OBI1: variants seen among roughly 807,000 people sequenced by gnomAD.
The protein encoded by OBI1 is ring finger protein 219.
OBI1 carries 59 observed loss-of-function variants against 62.4 expected under a neutral mutation model. The ratio of observed to expected loss-of-function variants is 0.95; its 90% CI spans 0.77 to 1.17. The LOEUF (loss-of-function observed/expected upper bound fraction) is 1.17. Among genes scored for constraint, OBI1 ranks in the 50% most tolerant of loss-of-function variants. The probability of loss-of-function intolerance (pLI) is 0.00; values close to 1 mark genes in which losing one functional copy is unlikely to be tolerated. For synonymous variants in OBI1, 302 were observed against 292.8 expected, an observed-to-expected ratio of 1.03 and a Z score of -0.32; for missense variants, 875 against 830.9, an observed-to-expected ratio of 1.05 and a Z score of -0.65.
In OBI1 at chr13:78,615,491, G is replaced by A; in HGVS notation, c.*89C>T. ...GACTAAAGATTATCAATTCCAATTT[G>A]TATAGAACTTTTATGAGGAAAAAAG... On this transcript the variant is annotated 3_prime_UTR_variant, in exon 6 of 6. Transcript: ENST00000282003. 1 of 933,592 alleles carries A rather than the reference G, an allele frequency of 1.1e-6. No individual in the cohort carries two copies. The highest frequency in any genetic ancestry group is 1.6e-6 in the Non-Finnish European group (1 of 614,412). 57.8% of individuals were successfully genotyped at this position (933,592 alleles called of 1,614,324 possible).
At chr13:78,629,590 G>T (rs1235534401) in intron 5 of OBI1, among the ~76,000 whole-genome samples, 1 of 152,076 alleles carries the variant, frequency 6.6e-6, no homozygotes, top group Non-Finnish European at 1.5e-5. Context: ...AGTCACTAAG[G>T]AACTTCTAAC....
At chr13:78,646,448 A>T (rs1876385189) in intron 1 of OBI1, among the ~76,000 whole-genome samples, 1 of 152,196 alleles carries the variant, frequency 6.6e-6, no homozygotes, top group African/African-American at 2.4e-5. Flanking sequence ...TATTTTTTGA[A>T]ATAGCACAAA....
intron 1 of OBI1, among the ~76,000 whole-genome samples, chr13:78,657,510 A>G (rs1335676194): frequency 1.3e-5 from 2 of 152,226 alleles, no homozygotes; most frequent in African/African-American, 4.8e-5. Flanking sequence ...ATCTTAAAGC[A>G]TTGGTGTGAA....
intron 2 of OBI1, 130 bp from the exon 3 acceptor site, chr13:78,642,343 G>T (rs1876244547): frequency 5.2e-6 from 3 of 576,438 alleles, no homozygotes; most frequent in Non-Finnish European, 9.2e-6. Context: ...ACACACTTGG[G>T]GCTTACATCT....
At chr13:78,634,277 A>G (rs1875954890) in intron 5 of OBI1, among the ~76,000 whole-genome samples, 1 of 151,800 alleles carries the variant, frequency 6.6e-6, no homozygotes, top group South Asian at 2.1e-4. Flanking sequence ...GGGCTGGGCT[A>G]TTTAAGGTCA....
Position 78,615,491 on chromosome 13 carries a change from G to C in OBI1, c.*89C>G. On this transcript the variant is annotated 3_prime_UTR_variant, in exon 6 of 6. Coordinates refer to ENST00000282003, the MANE Select transcript of OBI1 (RefSeq NM_024546.4). ...GACTAAAGATTATCAATTCCAATTT[G>C]TATAGAACTTTTATGAGGAAAAAAG... 1.1e-6 allele frequency: 1 copy of C among 933,592 alleles called. No individual in the cohort carries two copies. Among genetic ancestry groups the C allele is most frequent in the Non-Finnish European group, 1.6e-6 (1 of 614,412 alleles). The allele number at this position is 933,592 out of a possible 1,614,324, so 57.8% of individuals were successfully genotyped here. A position where few individuals can be genotyped will look rare whatever the true frequency, so the allele number is the denominator to read the frequency against.
chr13:78,645,168 A>G (rs1593798710), intron 1 of OBI1, among the ~76,000 whole-genome samples, 171 bp from the exon 2 acceptor site: 1 of 104,024 alleles, frequency 9.6e-6, no homozygotes, highest in Non-Finnish European at 2.5e-5. Flanking sequence ...CTTTTTACAC[A>G]TGTTTAACAG....
chr13:78,658,425 C>T (rs1285326232), intron 1 of OBI1, among the ~76,000 whole-genome samples: 2 of 152,202 alleles, frequency 1.3e-5, no homozygotes, highest in African/African-American at 4.8e-5. Context: ...AGAGAGTATT[C>T]TATCTCCTGA....
chr13:78,647,945 T>C (rs963732176), intron 1 of OBI1, among the ~76,000 whole-genome samples: 3 of 152,008 alleles, frequency 2.0e-5, no homozygotes, highest in Admixed American at 6.6e-5. Flanking sequence ...GAAACTTAAT[T>C]CTAAGCATTC....
intron 1 of OBI1, among the ~76,000 whole-genome samples, chr13:78,650,259 C>T (rs981408683): frequency 1.7e-4 from 26 of 151,992 alleles, no homozygotes; most frequent in African/African-American, 5.6e-4. Flanking sequence ...AGTACACAAG[C>T]GGTAATGATA....
chr13:78,650,000 G>A (rs772602482), intron 1 of OBI1, among the ~76,000 whole-genome samples: 93 of 152,240 alleles, frequency 6.1e-4, no homozygotes, highest in Non-Finnish European at 1.1e-3. Context: ...TTTGAAAAGT[G>A]AGAAAGCTAA....
chr13:78,657,551 G>A (rs1447020052), intron 1 of OBI1, among the ~76,000 whole-genome samples: 2 of 152,080 alleles, frequency 1.3e-5, no homozygotes, highest in Non-Finnish European at 2.9e-5. Context: ...GCATACAAAA[G>A]CACTCTGTAG....
Position 78,628,300 on chromosome 13 carries a change from T to A in OBI1, c.638+6810A>T, listed in dbSNP as rs1875740556. ...TAGGCAAGATTAGTGTTCGGTCATA[T>A]GGAGTCTGGCTCCAAGGTTTGTGTT... On this transcript the variant is annotated intron_variant, in intron 5 of 5. Transcript: ENST00000282003. 2.0e-5 allele frequency among the ~76,000 whole-genome samples: 3 copies of A among 152,218 alleles called. 1 individual carries two copies. In the South Asian group the frequency reaches 6.2e-4, roughly 31 times the overall value.
chr13:78,633,992 C>T (rs1053564153), intron 5 of OBI1, among the ~76,000 whole-genome samples: 8 of 150,940 alleles, frequency 5.3e-5, no homozygotes, highest in Admixed American at 1.3e-4. Context: ...GCGTAAACCC[C>T]GGGGGGCGGA....
intron 3 of OBI1, 134 bp from the exon 4 acceptor site, chr13:78,639,205 A>G (rs891926029): frequency 2.4e-6 from 2 of 832,798 alleles, no homozygotes; most frequent in East Asian, 2.8e-5. Context: ...ACATATCAAA[A>G]GAGTTTTGCA....
intron 1 of OBI1, among the ~76,000 whole-genome samples, chr13:78,654,774 T>C (rs1412745231): frequency 4.6e-5 from 7 of 152,226 alleles, no homozygotes; most frequent in Admixed American, 4.6e-4. Flanking sequence ...GCCAGAACAC[T>C]TGCCCTTAAT....
chr13:78,647,702 TTGTCTC>T (rs1231469190), intron 1 of OBI1, among the ~76,000 whole-genome samples: 1 of 152,178 alleles, frequency 6.6e-6, no homozygotes, highest in Non-Finnish European at 1.5e-5. Context: ...TCTTTATACT[TTGTCTC>T]TGTGTCTTAT....
intron 2 of OBI1, among the ~76,000 whole-genome samples, chr13:78,643,011 T>C (rs541156381): frequency 1.3e-5 from 2 of 152,256 alleles, no homozygotes; most frequent in Non-Finnish European, 2.9e-5. Flanking sequence ...CATGACTTGT[T>C]ACAAATGCAC....
At position 78,616,340 on chromosome 13, in the gene OBI1, T is replaced by C. The variant is rs758188287; in HGVS notation, c.1421A>G (p.Tyr474Cys). ...ACTTTCAAAATCTAAGTTTTGGGCA[T>C]AGCTTGTGGAACAACAGTCCCAAAA... ...TGFWDCCSTSYAQNLDFESSE... is the reference protein window; with the variant it reads ...TGFWDCCSTSCAQNLDFESSE... The change falls in exon 6 of 6, where the codon TAT becomes TGT. Residue 474 changes from tyrosine to cysteine, a missense_variant. Coordinates refer to ENST00000282003, the MANE Select transcript of OBI1 (RefSeq NM_024546.4). 8 of 1,613,998 alleles carry C rather than the reference T, an allele frequency of 5.0e-6. No homozygotes were observed. The highest frequency in any genetic ancestry group is 1.6e-4 in the Middle Eastern group (1 of 6,084).
Sources: allele counts gnomAD v4.1 joint callset (sites outside exome capture counted in the v4.1 genomes callset), GRCh38; gene constraint gnomAD v4.1.1; transcripts MANE v1.5; gene names NCBI Gene and HGNC (gene_info 2026-07-23, HGNC 2026-07-21).